The following KCNQ1 variants were observed in gnomAD, a reference collection of about 807,000 sequenced individuals.
KCNQ1 encodes potassium voltage-gated channel subfamily Q member 1.
In KCNQ1, 49 loss-of-function variants were observed where a neutral mutation model predicts 72.4. The observed-to-expected ratio is 0.68, with a 90% confidence interval of 0.54 to 0.86. KCNQ1 has a LOEUF of 0.86. Ranked by LOEUF, KCNQ1 falls within the 40% of genes least tolerant of loss-of-function variation. The probability of loss-of-function intolerance (pLI) is 0.00; values close to 1 mark genes in which losing one functional copy is unlikely to be tolerated. For synonymous variants in KCNQ1, 450 were observed against 412.6 expected (o/e 1.09, Z -1.10); for missense variants, 790 against 945.1 (o/e 0.84, Z 2.15).
Position 2,784,964 on chromosome 11 carries a change from T to C in KCNQ1, c.1794+6927T>C, listed in dbSNP as rs563364434. On this transcript the variant is annotated intron_variant, in intron 15 of 15. Coordinates refer to ENST00000155840, the MANE Select transcript of KCNQ1 (RefSeq NM_000218.3). This position sits in a 1 kb window ranked among gnomAD's most constrained non-coding sequence, Gnocchi z 4.7. ...ATTTTCTACATATAGGATCATGTCTTGTGGCAATAAAGACAATTTTTACTT... is the reference window on the plus strand; with the variant it reads ...ATTTTCTACATATAGGATCATGTCTCGTGGCAATAAAGACAATTTTTACTT... Among the ~76,000 whole-genome samples, 3 of 152,182 alleles carry C rather than the reference T, an allele frequency of 2.0e-5. No homozygotes were observed. Among genetic ancestry groups the C allele is most frequent in the African/African-American group, 7.2e-5 (3 of 41,592 alleles).
chr11:2,466,050 C>A (rs1356932276), intron 1 of KCNQ1, among the ~76,000 whole-genome samples: 4 of 152,344 alleles, frequency 2.6e-5, no homozygotes, highest in African/African-American at 4.8e-5. Flanking sequence ...GCTATGGGGG[C>A]ATTGCTTCTT....
Position 2,759,597 on chromosome 11 carries a change from C to A in KCNQ1, c.1515-9247C>A, listed in dbSNP as rs993540103. On this transcript the variant is annotated intron_variant, in intron 11 of 15. Coordinates refer to ENST00000155840, the MANE Select transcript of KCNQ1 (RefSeq NM_000218.3). The surrounding 1 kb of genome is among the most constrained non-coding windows in gnomAD (Gnocchi z 4.4). ...CCCCAGCATGTGGGAAGGAAGGGAG[C>A]GAGCTCTTATTTCCTTATTTTCTTT... Among the ~76,000 whole-genome samples, 1 of 152,220 alleles carries A rather than the reference C, an allele frequency of 6.6e-6. No individual in the cohort carries two copies. The highest frequency in any genetic ancestry group is 1.5e-5 in the Non-Finnish European group (1 of 68,032).
intron 15 of KCNQ1, chr11:2,839,844 C>T (rs1848165608): frequency 1.3e-5 from 2 of 152,212 alleles, no homozygotes; most frequent in Admixed American, 1.3e-4. Flanking sequence ...CGTCGCCACT[C>T]CCCGACTGGA....
At chr11:2,685,744 A>G (rs1276442096) in intron 11 of KCNQ1, 2 of 398,588 alleles carry the variant, frequency 5.0e-6, no homozygotes, top group African/African-American at 2.1e-5. Flanking sequence ...CGAAATGGCC[A>G]GCAGGCAGGC....
chr11:2,708,139 C>A (rs2030385766), intron 11 of KCNQ1, among the ~76,000 whole-genome samples: 1 of 152,228 alleles, frequency 6.6e-6, no homozygotes. Flanking sequence ...TTGAACACAA[C>A]ATTGTTTTTT....
chr11:2,575,376 C>T (rs866327328), intron 6 of KCNQ1, among the ~76,000 whole-genome samples: 2 of 152,158 alleles, frequency 1.3e-5, no homozygotes, highest in African/African-American at 4.8e-5. Flanking sequence ...GGCCCCCCAC[C>T]GCCCAGGGCT....
chr11:2,452,935 C>G (rs528619906), intron 1 of KCNQ1, among the ~76,000 whole-genome samples: 1 of 152,120 alleles, frequency 6.6e-6, no homozygotes, highest in Non-Finnish European at 1.5e-5. Context: ...ACATCACACA[C>G]CAGGATAGAC....
rs1203989727 is a variant in KCNQ1 at position 2,547,559 on chromosome 11, T to C, written c.477+19541T>C. Among the ~76,000 whole-genome samples the C allele has an allele frequency of 2.6e-5, 4 of 152,212 alleles. No homozygotes were observed. The highest frequency in any genetic ancestry group is 5.9e-5 in the Non-Finnish European group (4 of 68,040). Reference sequence around the variant, plus strand: ...TGTATTTTTGTCCTAATAGTTACCTTTATACATATGCCTTTCAAAGTTTCC... The same window carrying C: ...TGTATTTTTGTCCTAATAGTTACCTCTATACATATGCCTTTCAAAGTTTCC... On this transcript the variant is annotated intron_variant, in intron 2 of 15. Transcript: ENST00000155840. This position sits in a 1 kb window ranked among gnomAD's most constrained non-coding sequence, Gnocchi z 4.2.
chr11:2,469,740 C>A (rs1290539993), intron 1 of KCNQ1, among the ~76,000 whole-genome samples: 1 of 152,086 alleles, frequency 6.6e-6, no homozygotes, highest in East Asian at 1.9e-4. Flanking sequence ...GTGGCGCGAT[C>A]TCGGCTCACT....
rs927709983 is a variant in KCNQ1, at chr11:2,712,540, G to A, written c.1514+50459G>A. Among the ~76,000 whole-genome samples, 1 of 152,104 alleles carries A rather than the reference G, an allele frequency of 6.6e-6. No homozygotes were observed. The highest frequency in any genetic ancestry group is 2.4e-5 in the African/African-American group (1 of 41,418). ...TCCCGAAGCCACCAGGCCAGACACC[G>A]CCCCAGCTGAATGCATGCTGGCGGC... On this transcript the variant is annotated intron_variant, in intron 11 of 15. Coordinates refer to ENST00000155840, the MANE Select transcript of KCNQ1 (RefSeq NM_000218.3). This position sits in a 1 kb window ranked among gnomAD's most constrained non-coding sequence, Gnocchi z 6.4.
rs938328728 is a variant in KCNQ1, at chr11:2,691,235, T to C, written c.1514+29154T>C. On this transcript the variant is annotated intron_variant, in intron 11 of 15. Coordinates refer to ENST00000155840, the MANE Select transcript of KCNQ1 (RefSeq NM_000218.3). The surrounding 1 kb of genome is among the most constrained non-coding windows in gnomAD (Gnocchi z 6.4). ...AGTGGAGGAGTTAGAGGATCTGCAGTTAACCCCTTGAGTCTCGGAAGGCTG... is the reference window on the plus strand; with the variant it reads ...AGTGGAGGAGTTAGAGGATCTGCAGCTAACCCCTTGAGTCTCGGAAGGCTG... 13 of 398,474 alleles carry C rather than the reference T, an allele frequency of 3.3e-5. No individual in the cohort carries two copies. Among genetic ancestry groups the C allele is most frequent in the Non-Finnish European group, 5.7e-5 (13 of 226,090 alleles). The allele number at this position is 398,474 out of a possible 1,614,324, so 24.7% of individuals were successfully genotyped here. A position where few individuals can be genotyped will look rare whatever the true frequency, so the allele number is the denominator to read the frequency against.
At position 2,598,664 on chromosome 11, in the gene KCNQ1, T is replaced by C. The variant is rs577165153; in HGVS notation, c.1393+9810T>C. Among the ~76,000 whole-genome samples, 1 of 152,166 alleles carries C rather than the reference T, an allele frequency of 6.6e-6. No individual in the cohort carries two copies. Among genetic ancestry groups the C allele is most frequent in the South Asian group, 2.1e-4 (1 of 4,830 alleles). On this transcript the variant is annotated intron_variant, in intron 10 of 15. Coordinates refer to ENST00000155840, the MANE Select transcript of KCNQ1 (RefSeq NM_000218.3). This position sits in a 1 kb window ranked among gnomAD's most constrained non-coding sequence, Gnocchi z 6.2. ...AATTCTGAGACAGGAAAATTAAATC[T>C]TCCTGTACAATTATGTTTCTAAAAA...
rs887226672 is a variant in KCNQ1 at position 2,830,368 on chromosome 11, C to T, written c.1795-17399C>T. ...CTGGGCAGGCATCCCAGAGCTATGA[C>T]CTGAATGATATCTTAGATGATCTCC... On this transcript the variant is annotated intron_variant, in intron 15 of 15. Coordinates refer to ENST00000155840, the MANE Select transcript of KCNQ1 (RefSeq NM_000218.3). The surrounding 1 kb of genome is among the most constrained non-coding windows in gnomAD (Gnocchi z 7.7). Among the ~76,000 whole-genome samples the T allele has an allele frequency of 1.3e-5, 2 of 152,078 alleles. No individual in the cohort carries two copies. Among genetic ancestry groups the T allele is most frequent in the Non-Finnish European group, 2.9e-5 (2 of 68,000 alleles).
At chr11:2,840,167 T>A (rs994415176) in intron 15 of KCNQ1, 3 of 151,202 alleles carry the variant, frequency 2.0e-5, no homozygotes, top group African/African-American at 7.3e-5. Context: ...TGTATTACAA[T>A]AAAGTAAAGT....
Position 2,562,442 on chromosome 11 carries a change from C to T in KCNQ1, c.478-8186C>T, listed in dbSNP as rs555658965. 1.9e-3 allele frequency among the ~76,000 whole-genome samples: 289 copies of T among 152,300 alleles called. 1 individual carries two copies. Among genetic ancestry groups the T allele is most frequent in the African/African-American group, 6.4e-3 (265 of 41,568 alleles). ...TCTCTGTGGCTTATCAGGGCCGGGC[C>T]GGTGTGGAGTTGGAACAGCTGGCCC... On this transcript the variant is annotated intron_variant, in intron 2 of 15. Transcript: ENST00000155840. The surrounding 1 kb of genome is among the most constrained non-coding windows in gnomAD (Gnocchi z 7.5).
At position 2,621,694 on chromosome 11, in the gene KCNQ1, T is replaced by C. The variant is rs1462738801; in HGVS notation, c.1393+32840T>C. 2.5e-6 allele frequency: 1 copy of C among 398,412 alleles called. No homozygotes were observed. The highest frequency in any genetic ancestry group is 4.4e-6 in the Non-Finnish European group (1 of 226,028). 24.7% of individuals were successfully genotyped at this position (398,412 alleles called of 1,614,324 possible). A position where few individuals can be genotyped will look rare whatever the true frequency, so the allele number is the denominator to read the frequency against. ...TATAATTGTTCATAAAAGTCCCTTA[T>C]GATCCTTTTTATTTCTGAAGTACCT... On this transcript the variant is annotated intron_variant, in intron 10 of 15. Transcript: ENST00000155840. This position sits in a 1 kb window ranked among gnomAD's most constrained non-coding sequence, Gnocchi z 5.7.
intron 11 of KCNQ1, among the ~76,000 whole-genome samples, chr11:2,763,940 A>T (rs569349267): frequency 3.3e-5 from 5 of 152,096 alleles, no homozygotes; most frequent in Non-Finnish European, 7.3e-5. Flanking sequence ...TTATCTGAGG[A>T]TTCTTAGGGA....
intron 2 of KCNQ1, among the ~76,000 whole-genome samples, chr11:2,554,587 C>T (rs1430546671): frequency 6.6e-6 from 1 of 152,216 alleles, no homozygotes; most frequent in Admixed American, 6.5e-5. Flanking sequence ...TGGGCACTGC[C>T]TCCCCAGGGA....
intron 6 of KCNQ1, among the ~76,000 whole-genome samples, chr11:2,576,609 G>A (rs908588335): frequency 5.3e-5 from 8 of 152,200 alleles, no homozygotes; most frequent in African/African-American, 9.6e-5. Context: ...TTTTGAAGTC[G>A]AGTCTGACTG....
Sources: gnomAD v4.1 joint callset for allele counts (sites outside exome capture counted in the v4.1 genomes callset) on GRCh38, gnomAD v4.1.1 for gene constraint, Gnocchi (gnomAD v3.1) non-coding constraint, MANE v1.5 for transcripts, NCBI Gene and HGNC (gene_info 2026-07-23, HGNC 2026-07-21) for gene names.